Variants in ADAM22 observed in about 807,000 individuals in gnomAD.
The protein encoded by ADAM22 is ADAM metallopeptidase domain 22.
ADAM22 carries 65 observed loss-of-function variants against 144.6 expected under a neutral mutation model. The ratio of observed to expected loss-of-function variants is 0.45; its 90% CI spans 0.37 to 0.55. The LOEUF is 0.55. ADAM22 is among the 20% of genes least tolerant of loss of function. The pLI is 0.00. For synonymous variants in ADAM22, 391 were observed against 412.6 expected, an observed-to-expected ratio of 0.95 and a Z score of 0.63; for missense variants, 974 against 1,184.9, an observed-to-expected ratio of 0.82 and a Z score of 2.61.
intron 4 of ADAM22, among the ~76,000 whole-genome samples, chr7:88,100,948 A>G (rs1180681451): frequency 6.6e-6 from 1 of 151,278 alleles, no homozygotes; most frequent in Non-Finnish European, 1.5e-5. Context: ...CTGGTGGAAC[A>G]GACTGCAGCC....
chr7:87,966,912 G>T (rs1371336835), intron 2 of ADAM22, among the ~76,000 whole-genome samples: 1 of 151,706 alleles, frequency 6.6e-6, no homozygotes, highest in Non-Finnish European at 1.5e-5. Context: ...ATCTTGAATT[G>T]TAGTTCCCGT....
intron 28 of ADAM22, 93 bp downstream of exon 28, chr7:88,181,698 C>T (rs1386595238): frequency 9.1e-7 from 1 of 1,095,236 alleles, no homozygotes; most frequent in African/African-American, 1.6e-5. Context: ...CTTTGAAGCT[C>T]TTTAGCTCTT....
At chr7:88,127,164 A>G (rs1585976239) in intron 8 of ADAM22, among the ~76,000 whole-genome samples, 2 of 151,936 alleles carry the variant, frequency 1.3e-5, no homozygotes, top group Admixed American at 6.6e-5. Context: ...AATAATTACC[A>G]TCAGGATTTA....
At chr7:88,010,220 G>T (rs1166967200) in intron 3 of ADAM22, among the ~76,000 whole-genome samples, 1 of 152,102 alleles carries the variant, frequency 6.6e-6, no homozygotes, top group Non-Finnish European at 1.5e-5. Flanking sequence ...GCTATAAGGT[G>T]CCAGAACTGA....
At chr7:88,184,423 T>C in intron 29 of ADAM22, 1 of 359,956 alleles carries the variant, frequency 2.8e-6, no homozygotes, top group Non-Finnish European at 5.5e-6. Flanking sequence ...ACCTGCCCCT[T>C]CATTCTGGGC....
In ADAM22 at chr7:88,197,805, C is replaced by CTTCAACCA; in HGVS notation, c.*1319_*1326dup. On this transcript the variant is annotated 3_prime_UTR_variant, in exon 32 of 32. Transcript: ENST00000413139. The stretch of plus-strand genomic sequence containing the variant: ...AGATTCTACTGTTTGAGTTGAGCAG[C>CTTCAACCA]TTCAACCATTCATAAAGGGTTAAGT... The CTTCAACCA allele has an allele frequency of 6.6e-6, 1 of 152,202 alleles. No individual in the cohort carries two copies. The highest frequency in any genetic ancestry group is 6.5e-5 in the Admixed American group (1 of 15,282). The allele number at this position is 152,202 out of a possible 1,614,324, so 9.4% of individuals were successfully genotyped here.
At chr7:88,107,117 T>C (rs1365594895) in intron 4 of ADAM22, among the ~76,000 whole-genome samples, 1 of 152,016 alleles carries the variant, frequency 6.6e-6, no homozygotes, top group East Asian at 1.9e-4. Flanking sequence ...TATAATTTAG[T>C]GACTCTCAAA....
intron 15 of ADAM22, 113 bp downstream of exon 15, chr7:88,143,238 T>C: frequency 1.4e-6 from 1 of 690,826 alleles, no homozygotes; most frequent in Non-Finnish European, 2.4e-6. Flanking sequence ...TTGCCCTGTA[T>C]GTACATATTC....
intron 4 of ADAM22, among the ~76,000 whole-genome samples, chr7:88,085,353 C>T (rs1563184508): frequency 1.3e-5 from 2 of 152,070 alleles, no homozygotes; most frequent in Non-Finnish European, 2.9e-5. Context: ...TGGCTAGAAA[C>T]CAGTTGATAA....
At chr7:88,025,764 C>A (rs1798886317) in intron 3 of ADAM22, among the ~76,000 whole-genome samples, 1 of 152,160 alleles carries the variant, frequency 6.6e-6, no homozygotes, top group South Asian at 2.1e-4. Flanking sequence ...GTTTTGGTTA[C>A]TATAGCTCTG....
intron 3 of ADAM22, among the ~76,000 whole-genome samples, chr7:88,070,617 T>C (rs1335959168): frequency 6.6e-6 from 1 of 152,220 alleles, no homozygotes; most frequent in Admixed American, 6.5e-5. Flanking sequence ...TTATTGGTTA[T>C]GTTAACTGTG....
chr7:88,149,299 TTAAG>T (rs1177662235), intron 18 of ADAM22, among the ~76,000 whole-genome samples: 1 of 152,196 alleles, frequency 6.6e-6, no homozygotes, highest in East Asian at 1.9e-4. Flanking sequence ...TGTTTTTGTA[TTAAG>T]TAGGTAGTAC....
rs1475867376 is a variant in ADAM22, at chr7:88,201,775, A to C, written c.*5284A>C. On this transcript the variant is annotated 3_prime_UTR_variant, in exon 32 of 32. Coordinates refer to ENST00000413139, the MANE Select transcript of ADAM22 (RefSeq NM_001324418.2). ...GGTTTTGTTTTACAAAAAGGCATAC[A>C]ATGAGACGAATTCTTAAGATAATGC... is the stretch of plus-strand genomic sequence containing the variant. 2 of 152,252 alleles carry C rather than the reference A, an allele frequency of 1.3e-5. No individual in the cohort carries two copies. Among genetic ancestry groups the C allele is most frequent in the East Asian group, 3.8e-4 (2 of 5,204 alleles). 9.4% of individuals were successfully genotyped at this position (152,252 alleles called of 1,614,324 possible). A position where few individuals can be genotyped will look rare whatever the true frequency, so the allele number is the denominator to read the frequency against.
intron 3 of ADAM22, among the ~76,000 whole-genome samples, chr7:88,061,128 TCCA>T (rs1809737428): frequency 6.6e-6 from 1 of 152,070 alleles, no homozygotes; most frequent in Non-Finnish European, 1.5e-5. Flanking sequence ...TCCTCCTCCA[TCCA>T]GATTTGATCA....
rs1372823392 is a variant in ADAM22, at chr7:88,186,696, C to T, written c.2745C>T (p.Tyr915=). 1.9e-6 allele frequency: 3 copies of T among 1,583,300 alleles called. No homozygotes were observed. The highest frequency in any genetic ancestry group is 3.4e-5 in the Admixed American group (2 of 59,602). The part of the protein sequence containing the change: ...EDVNKNTEGP[Y]FRTLSPAKSP... ...TGAATAAAAACACTGAAGGACCATA[C>T]TTTAGGTATTTTATAAATTAATTTT... The change falls in exon 30 of 32, where the codon TAC becomes TAT. Residue 915 remains tyrosine, a synonymous_variant. Transcript: ENST00000413139.
chr7:87,974,513 T>G (rs561931929), intron 2 of ADAM22, among the ~76,000 whole-genome samples: 1 of 152,246 alleles, frequency 6.6e-6, no homozygotes, highest in Admixed American at 6.5e-5. Context: ...GTTTGATCCT[T>G]GAGGCCTCAT....
chr7:87,944,832 T>G (rs1385128768), intron 2 of ADAM22, among the ~76,000 whole-genome samples: 2 of 141,842 alleles, frequency 1.4e-5, no homozygotes, highest in African/African-American at 2.7e-5. Context: ...TTTTTTTTTG[T>G]TTTTTTTTTT....
chr7:88,143,252 A>G, intron 15 of ADAM22, 127 bp downstream of exon 15: 1 of 582,438 alleles, frequency 1.7e-6, no homozygotes, highest in Non-Finnish European at 2.9e-6. Context: ...CATATTCTAG[A>G]TATGCTATAT....
At chr7:88,106,421 A>AATTTCGG (rs1824405496) in intron 4 of ADAM22, among the ~76,000 whole-genome samples, 1 of 152,078 alleles carries the variant, frequency 6.6e-6, no homozygotes. Context: ...GTTTCCTTGG[A>AATTTCGG]ATTTCGGTGA....
Sources: gnomAD v4.1 joint callset for allele counts (sites outside exome capture counted in the v4.1 genomes callset) on GRCh38, gnomAD v4.1.1 for gene constraint, MANE v1.5 for transcripts, NCBI Gene and HGNC (gene_info 2026-07-23, HGNC 2026-07-21) for gene names.